FAM237A: variants seen among roughly 807,000 people sequenced by gnomAD.
The protein encoded by FAM237A is protein FAM237A.
A neutral mutation model predicts 12.5 loss-of-function variants in FAM237A; 14 were observed. The observed-to-expected ratio is 1.12, with a 90% CI of 0.74 to 1.75. The LOEUF (loss-of-function observed/expected upper bound fraction) is 1.75, where lower values mean the gene tolerates loss of function less well. Among genes scored for constraint, FAM237A ranks in the 40% most tolerant of loss-of-function variants. The pLI is 0.00. For missense variants in FAM237A, 240 were observed against 211.7 expected (o/e 1.13, Z -0.83); for synonymous variants, 85 against 77.5 (o/e 1.10, Z -0.51).
rs1699292798 is a variant in FAM237A, at chr2:206,644,517, T to C, written c.281T>C (p.Leu94Pro). The C allele has an allele frequency of 6.2e-7, 1 of 1,614,050 alleles. No individual in the cohort carries two copies. Among genetic ancestry groups the C allele is most frequent in the Non-Finnish European group, 8.5e-7 (1 of 1,179,892 alleles). The change falls in exon 2 of 3, where the codon CTG (leucine) becomes CCG (proline). Residue 94 changes from leucine (L) to proline (P), a missense_variant. Transcript: ENST00000441223. ...NLKHGALFWD[L>P]AQLFWDIYVD... ...AAGCATGGAGCACTGTTTTGGGATC[T>C]GGCCCAACTCTTCTGGGACATCTAT...
chr2:206,645,020 T>C (rs1271954786), intron 2 of FAM237A, among the ~76,000 whole-genome samples: 1 of 152,236 alleles, frequency 6.6e-6, no homozygotes, highest in Non-Finnish European at 1.5e-5. Flanking sequence ...GATGTTTACT[T>C]GCCGTGGAAT....
rs373033477 is a variant in FAM237A at position 206,644,581 on chromosome 2, G to A, written c.345G>A (p.Arg115=). ...CVLSRNHGLG[R]RQLVGEEEKI... Reference sequence around the variant, plus strand: ...TCTCTAGGAACCATGGCTTAGGAAGGAGGCAATTGGTTGGAGAGGAAGAGA... The same window carrying A: ...TCTCTAGGAACCATGGCTTAGGAAGAAGGCAATTGGTTGGAGAGGAAGAGA... Residue 115 remains arginine (R), a synonymous_variant, in exon 2 of 3, where the codon AGG becomes AGA. Coordinates refer to ENST00000441223, the MANE Select transcript of FAM237A (RefSeq NM_001102659.3). 11 of 1,611,760 alleles carry A rather than the reference G, an allele frequency of 6.8e-6. No individual in the cohort carries two copies. The African/African-American group carries it at 1.5e-4, about 22-fold the overall frequency.
chr2:206,647,632 G>GACACACACAGACAC (rs1699332833), intron 2 of FAM237A, among the ~76,000 whole-genome samples: 2 of 139,546 alleles, frequency 1.4e-5, no homozygotes, highest in African/African-American at 5.4e-5. Context: ...GAGACACACA[G>GACACACACAGACAC]ACACACACAC....
chr2:206,644,550 G>T lies in FAM237A; in HGVS notation c.314G>T (p.Cys105Phe). The change falls in exon 2 of 3, where the codon TGT (cysteine) becomes TTT (phenylalanine). Residue 105 changes from cysteine to phenylalanine, a missense_variant. Cys to Phe is a radical substitution (Grantham distance 205). Transcript: ENST00000441223. ...CTCTTCTGGGACATCTATGTGGACT[G>T]TGTGCTCTCTAGGAACCATGGCTTA... ...AQLFWDIYVD[C>F]VLSRNHGLGR... 6.2e-7 allele frequency: 1 copy of T among 1,613,996 alleles called. No individual in the cohort carries two copies. Among genetic ancestry groups the T allele is most frequent in the Admixed American group, 1.7e-5 (1 of 60,014 alleles).
intron 1 of FAM237A, among the ~76,000 whole-genome samples, chr2:206,643,750 T>C (rs1699282076): frequency 6.6e-6 from 1 of 152,182 alleles, no homozygotes; most frequent in Non-Finnish European, 1.5e-5. Flanking sequence ...GATGTATTTT[T>C]TAAAAAAATT....
At chr2:206,646,925 A>G (rs1699324004) in intron 2 of FAM237A, among the ~76,000 whole-genome samples, 1 of 152,190 alleles carries the variant, frequency 6.6e-6, no homozygotes, top group African/African-American at 2.4e-5. Context: ...TCTCAAGGAA[A>G]TCACATCATC....
intron 2 of FAM237A, 21 bp from the exon 3 acceptor site, chr2:206,648,640 G>T: frequency 6.4e-7 from 1 of 1,574,458 alleles, no homozygotes; most frequent in Non-Finnish European, 8.6e-7. Flanking sequence ...ATCTTATGAA[G>T]TTCCGCTTTT....
intron 2 of FAM237A, among the ~76,000 whole-genome samples, chr2:206,645,762 A>G (rs548206387): frequency 6.6e-6 from 1 of 152,310 alleles, no homozygotes; most frequent in South Asian, 2.1e-4. Flanking sequence ...TTATTTACAG[A>G]TAAGTTTATT....
At chr2:206,645,966 A>G (rs1411374355) in intron 2 of FAM237A, among the ~76,000 whole-genome samples, 1 of 151,472 alleles carries the variant, frequency 6.6e-6, no homozygotes, top group African/African-American at 2.4e-5. Flanking sequence ...TTTTTATTCT[A>G]TACTGCTGAG....
Position 206,644,516 on chromosome 2 carries a change from C to A in FAM237A, c.280C>A (p.Leu94Met). The A allele has an allele frequency of 1.2e-6, 2 of 1,614,040 alleles. No homozygotes were observed. Among genetic ancestry groups the A allele is most frequent in the Non-Finnish European group, 1.7e-6 (2 of 1,179,900 alleles). ...GAAGCATGGAGCACTGTTTTGGGAT[C>A]TGGCCCAACTCTTCTGGGACATCTA... ...NLKHGALFWD[L>M]AQLFWDIYVD... Residue 94 changes from leucine (L) to methionine (M), a missense_variant, in exon 2 of 3, where the codon CTG becomes ATG. Transcript: ENST00000441223.
In FAM237A at chr2:206,644,401, G is replaced by A. The variant is rs754948577; in HGVS notation, c.165G>A (p.Val55=). 6.2e-7 allele frequency: 1 copy of A among 1,613,806 alleles called. No homozygotes were observed. Among genetic ancestry groups the A allele is most frequent in the East Asian group, 2.2e-5 (1 of 44,882 alleles). The change falls in exon 2 of 3, where the codon GTG becomes GTA. Residue 55 remains valine, a synonymous_variant. Coordinates refer to ENST00000441223, the MANE Select transcript of FAM237A (RefSeq NM_001102659.3). ...ADPQCWESSS[V]LLLEMWKPRV... is the part of the protein sequence containing the mutation. ...CTCAGTGCTGGGAATCCTCCTCAGT[G>A]CTTCTCCTGGAAATGTGGAAACCTC...
chr2:206,647,624 G>GACAC (rs1167948240), intron 2 of FAM237A, among the ~76,000 whole-genome samples: 15 of 102,710 alleles, frequency 1.5e-4, no homozygotes, highest in African/African-American at 4.7e-4. Context: ...GGGTGAGAGA[G>GACAC]ACACACAGAC....
chr2:206,647,023 T>A (rs955365154), intron 2 of FAM237A, among the ~76,000 whole-genome samples: 6 of 152,204 alleles, frequency 3.9e-5, no homozygotes, highest in Non-Finnish European at 5.9e-5. Flanking sequence ...TCAAATAGTG[T>A]AAATGCAGTT....
In FAM237A at chr2:206,648,738, C is replaced by A. The variant is rs750888885; in HGVS notation, c.490C>A (p.Arg164Ser). The change falls in exon 3 of 3, where the codon CGT becomes AGT. Residue 164 changes from arginine to serine, a missense_variant. Coordinates refer to ENST00000441223, the MANE Select transcript of FAM237A (RefSeq NM_001102659.3). ...LIEDLISMHV[R>S]RSGSSVIGKV... Reference sequence around the variant, plus strand: ...TGAAGATTTGATAAGCATGCATGTGCGTAGGAGTGGGTCTAGTGTCATTGG... The same window carrying A: ...TGAAGATTTGATAAGCATGCATGTGAGTAGGAGTGGGTCTAGTGTCATTGG... 1.7e-5 allele frequency: 27 copies of A among 1,570,728 alleles called. No individual in the cohort carries two copies. The highest frequency in any genetic ancestry group is 4.1e-5 in the African/African-American group (3 of 73,942).
intron 2 of FAM237A, among the ~76,000 whole-genome samples, chr2:206,647,662 CACACAGAG>C (rs1699334169): frequency 2.7e-5 from 4 of 150,804 alleles, no homozygotes; most frequent in South Asian, 4.2e-4. Context: ...CACACACACA[CACACAGAG>C]AGAGTGTGTG....
At chr2:206,644,151 A>G in intron 1 of FAM237A, 76 bp from the exon 2 acceptor site, 1 of 1,314,486 alleles carries the variant, frequency 7.6e-7, no homozygotes, top group South Asian at 1.6e-5. Context: ...AAGTAAGGTT[A>G]TTAAGGGCAT....
At chr2:206,648,630 A>C in intron 2 of FAM237A, 31 bp from the exon 3 acceptor site, 1 of 1,562,292 alleles carries the variant, frequency 6.4e-7, no homozygotes, top group Non-Finnish European at 8.6e-7. Flanking sequence ...TAATTTGGTG[A>C]TCTTATGAAG....
At position 206,648,768 on chromosome 2, in the gene FAM237A, G is replaced by T; in HGVS notation, c.520G>T (p.Val174Leu). Residue 174 changes from valine (V) to leucine (L), a missense_variant, in exon 3 of 3, where the codon GTG becomes TTG. Transcript: ENST00000441223. ...RRSGSSVIGK[V>L]NLEIKRK ...GAGTGGGTCTAGTGTCATTGGAAAA[G>T]TGAACCTGGAAATAAAGAGAAAATA... The T allele has an allele frequency of 1.9e-6, 3 of 1,540,948 alleles. No individual in the cohort carries two copies.
At chr2:206,643,346 T>C (rs1170710795) in intron 1 of FAM237A, 1 of 152,170 alleles carries the variant, frequency 6.6e-6, no homozygotes, top group African/African-American at 2.4e-5. Context: ...TATATACACT[T>C]TTTCTGGCAA....
Sources: allele counts gnomAD v4.1 joint callset (sites outside exome capture counted in the v4.1 genomes callset), GRCh38; gene constraint gnomAD v4.1.1; transcripts MANE v1.5; gene names NCBI Gene and HGNC (gene_info 2026-07-23, HGNC 2026-07-21).